EPB41L5: variants seen among roughly 807,000 people sequenced by gnomAD.
EPB41L5 encodes the protein erythrocyte membrane protein band 4.1 like 5.
Under a neutral mutation model 106.6 loss-of-function variants are expected in EPB41L5, and 55 were observed. The ratio of observed to expected loss-of-function variants is 0.52; its 90% CI spans 0.42 to 0.65. The LOEUF (loss-of-function observed/expected upper bound fraction) is 0.65, where lower values mean the gene tolerates loss of function less well. Among genes scored for constraint, EPB41L5 ranks in the 30% least tolerant of loss-of-function variants. The pLI is 0.00. For missense variants in EPB41L5, 871 were observed against 882.1 expected, an observed-to-expected ratio of 0.99 and a Z score of 0.16; for synonymous variants, 297 against 306.7, an observed-to-expected ratio of 0.97 and a Z score of 0.33.
intron 11 of EPB41L5, 111 bp from the exon 12 acceptor site, chr2:120,090,236 T>C: frequency 1.2e-6 from 1 of 844,614 alleles, no homozygotes; most frequent in Non-Finnish European, 1.8e-6. Flanking sequence ...GTGTCTGAAT[T>C]TCAGGGAGCA....
intron 14 of EPB41L5, among the ~76,000 whole-genome samples, chr2:120,095,421 C>T (rs1683683130): frequency 6.6e-6 from 1 of 151,348 alleles, no homozygotes; most frequent in Non-Finnish European, 1.5e-5. Context: ...TCTTCTCCTT[C>T]TGGAATTCTC....
intron 19 of EPB41L5, among the ~76,000 whole-genome samples, chr2:120,143,841 T>C (rs1426901712): frequency 6.6e-6 from 1 of 152,166 alleles, no homozygotes; most frequent in East Asian, 1.9e-4. Flanking sequence ...ATATAAAATA[T>C]GATAGTATTG....
intron 20 of EPB41L5, among the ~76,000 whole-genome samples, chr2:120,147,791 G>C (rs1686476881): frequency 6.6e-6 from 1 of 152,068 alleles, no homozygotes; most frequent in Admixed American, 6.6e-5. Flanking sequence ...AAGTTTCATT[G>C]AACTCTTGAA....
chr2:120,105,600 G>A (rs1449781796), intron 16 of EPB41L5: 1 of 985,330 alleles, frequency 1.0e-6, no homozygotes, highest in Non-Finnish European at 1.2e-6. Context: ...TTCAATCTGA[G>A]TTTAGTATAA....
chr2:120,048,576 T>G (rs896493113), intron 3 of EPB41L5, among the ~76,000 whole-genome samples: 2 of 152,190 alleles, frequency 1.3e-5, no homozygotes, highest in African/African-American at 2.4e-5. Context: ...GTCTGTCAAT[T>G]TTGTTGATCT....
At chr2:120,043,633 G>C (rs1679572085) in intron 3 of EPB41L5, among the ~76,000 whole-genome samples, 1 of 152,038 alleles carries the variant, frequency 6.6e-6, no homozygotes, top group Admixed American at 6.6e-5. Flanking sequence ...AGATAGCTGG[G>C]AGACTGAGGC....
chr2:120,130,675 C>G (rs1255948240), intron 17 of EPB41L5, among the ~76,000 whole-genome samples: 5 of 152,184 alleles, frequency 3.3e-5, no homozygotes, highest in Non-Finnish European at 5.9e-5. Context: ...GTTTTAAAAA[C>G]TACCAGTGCC....
Position 120,050,202 on chromosome 2 carries a change from T to C in EPB41L5, c.285+8092T>C, listed in dbSNP as rs551827875. ...GTTCTCTCTATTTCCTGAATTTGAA[T>C]GTTGGCCTGCCTCGCTAGGTTGGGG... On this transcript the variant is annotated intron_variant, in intron 3 of 24. Coordinates refer to ENST00000263713, the MANE Select transcript of EPB41L5 (RefSeq NM_020909.4). Among the ~76,000 whole-genome samples, 46 of 152,312 alleles carry C rather than the reference T, an allele frequency of 3.0e-4. No homozygotes were observed. The South Asian group carries it at 9.5e-3, about 32-fold the overall frequency.
At chr2:120,116,333 G>C (rs1684946643) in intron 16 of EPB41L5, among the ~76,000 whole-genome samples, 1 of 152,066 alleles carries the variant, frequency 6.6e-6, no homozygotes, top group Non-Finnish European at 1.5e-5. Context: ...ATTTCATCCA[G>C]CTTTCACAAT....
rs929365696 is a variant in EPB41L5, at chr2:120,156,293, C to T, written c.1794-4588C>T. ...CCTCTGGCGTCCTTGGAGCCAGCAT[C>T]CTGGCTTTTGCACTGGCAGACTGTG... On this transcript the variant is annotated intron_variant, in intron 20 of 24. Coordinates refer to ENST00000263713, the MANE Select transcript of EPB41L5 (RefSeq NM_020909.4). Among the ~76,000 whole-genome samples the T allele has an allele frequency of 2.7e-4, 41 of 152,158 alleles. 1 individual carries two copies. Among genetic ancestry groups the T allele is most frequent in the African/African-American group, 8.0e-4 (33 of 41,432 alleles).
At chr2:120,167,605 GTTGTTATCAAAGCC>G in intron 23 of EPB41L5, 98 bp downstream of exon 23, 2 of 1,312,704 alleles carry the variant, frequency 1.5e-6, no homozygotes, top group Admixed American at 3.7e-5. Flanking sequence ...AAACATGAGG[GTTGTTATCAAAGCC>G]TTGTTAACTG....
At chr2:120,083,777 G>T (rs1463384204) in intron 10 of EPB41L5, among the ~76,000 whole-genome samples, 1 of 152,072 alleles carries the variant, frequency 6.6e-6, no homozygotes, top group African/African-American at 2.4e-5. Context: ...TATGAATCTG[G>T]GTGCTCCTGT....
chr2:120,127,820 G>C lies in EPB41L5; in HGVS notation c.1470G>C (p.Pro490=). ...LNDVNVATRL[P]GLGEPEVEYE... is the part of the protein sequence containing the mutation. Reference sequence around the variant, plus strand: ...ACGTTAATGTAGCCACCAGGCTTCCGGGATTAGGGGAACCTGAAGTTGAAT... The same window carrying C: ...ACGTTAATGTAGCCACCAGGCTTCCCGGATTAGGGGAACCTGAAGTTGAAT... The change falls in exon 17 of 25, where the codon CCG becomes CCC. Residue 490 remains proline (P), a synonymous_variant. Transcript: ENST00000263713. 1 of 1,611,306 alleles carries C rather than the reference G, an allele frequency of 6.2e-7. No individual in the cohort carries two copies.
intron 16 of EPB41L5, chr2:120,105,290 A>C: frequency 1.0e-6 from 1 of 963,852 alleles, no homozygotes; most frequent in Non-Finnish European, 1.2e-6. Flanking sequence ...ATTTTAGAAA[A>C]ATTTTCAAAT....
chr2:120,128,013 G>A, intron 17 of EPB41L5, 162 bp downstream of exon 17: 1 of 515,168 alleles, frequency 1.9e-6, no homozygotes, highest in Non-Finnish European at 3.2e-6. Flanking sequence ...AGGTAACACT[G>A]AAATATTTAA....
At chr2:120,024,916 T>C (rs1439664695) in intron 2 of EPB41L5, among the ~76,000 whole-genome samples, 2 of 152,228 alleles carry the variant, frequency 1.3e-5, no homozygotes, top group Non-Finnish European at 2.9e-5. Context: ...CAGTATTTTA[T>C]TGAGGATTTT....
chr2:120,056,441 G>T (rs1424685941), intron 3 of EPB41L5, among the ~76,000 whole-genome samples: 1 of 151,988 alleles, frequency 6.6e-6, no homozygotes, highest in Non-Finnish European at 1.5e-5. Flanking sequence ...TGGGATGACA[G>T]GCATGCACCA....
At chr2:120,083,051 A>G (rs1037730652) in intron 10 of EPB41L5, among the ~76,000 whole-genome samples, 12 of 151,678 alleles carry the variant, frequency 7.9e-5, no homozygotes, top group Admixed American at 3.3e-4. Context: ...TTTTCAAAAA[A>G]CAACCAGCTC....
intron 10 of EPB41L5, 86 bp from the exon 11 acceptor site, chr2:120,087,085 A>T: frequency 1.3e-6 from 1 of 788,862 alleles, no homozygotes; most frequent in Non-Finnish European, 2.1e-6. Context: ...TTAGATGGTT[A>T]AATGTATTTG....
Sources: gnomAD v4.1 joint callset for allele counts (sites outside exome capture counted in the v4.1 genomes callset) on GRCh38, gnomAD v4.1.1 for gene constraint, MANE v1.5 for transcripts, NCBI Gene and HGNC (gene_info 2026-07-23, HGNC 2026-07-21) for gene names.